Variants in INPP4B observed in about 807,000 individuals in gnomAD.
INPP4B encodes inositol polyphosphate 4-phosphatase type II.
Under a neutral mutation model 122.5 loss-of-function variants are expected in INPP4B, and 55 were observed. That is an observed-to-expected ratio of 0.45 (90% CI 0.36 to 0.56). The LOEUF is 0.56. Among genes scored for constraint, INPP4B ranks in the 20% least tolerant of loss-of-function variants. The pLI is 0.00. For synonymous variants in INPP4B, 403 were observed against 388.7 expected, an observed-to-expected ratio of 1.04 and a Z score of -0.43; for missense variants, 1,000 against 1,097.7, an observed-to-expected ratio of 0.91 and a Z score of 1.26.
chr4:142,762,446 G>A (rs370645602), intron 1 of INPP4B, among the ~76,000 whole-genome samples: 2 of 152,216 alleles, frequency 1.3e-5, no homozygotes, highest in African/African-American at 2.4e-5. Flanking sequence ...CCTGTGAGGT[G>A]AGCTTACTCA....
chr4:142,052,004 T>C (rs1754868582), intron 25 of INPP4B, among the ~76,000 whole-genome samples: 3 of 152,006 alleles, frequency 2.0e-5, no homozygotes, highest in South Asian at 2.1e-4. Context: ...TTCTCATCTC[T>C]TCATTTTTCT....
chr4:142,378,474 G>A (rs1167904564), intron 7 of INPP4B, among the ~76,000 whole-genome samples: 1 of 152,078 alleles, frequency 6.6e-6, no homozygotes, highest in African/African-American at 2.4e-5. Context: ...ACTTGTGTAG[G>A]TTGCAAGTTC....
chr4:142,607,735 T>C (rs986620117), intron 2 of INPP4B, among the ~76,000 whole-genome samples: 3 of 152,130 alleles, frequency 2.0e-5, no homozygotes, highest in Non-Finnish European at 4.4e-5. Flanking sequence ...ATAGAGAAGA[T>C]ATACAAATTA....
chr4:142,126,871 T>C (rs186342495), intron 18 of INPP4B, among the ~76,000 whole-genome samples: 55 of 152,300 alleles, frequency 3.6e-4, no homozygotes, highest in African/African-American at 1.2e-3. Context: ...TTATCTCCTG[T>C]TCTCTCCCTT....
chr4:142,817,332 A>C (rs1315867543), intron 1 of INPP4B, among the ~76,000 whole-genome samples: 2 of 152,172 alleles, frequency 1.3e-5, no homozygotes, highest in Non-Finnish European at 2.9e-5. Context: ...GTGTGAAATA[A>C]AATTATCAGT....
chr4:142,533,752 C>G (rs1827884892), intron 2 of INPP4B, among the ~76,000 whole-genome samples: 1 of 152,022 alleles, frequency 6.6e-6, no homozygotes, highest in Non-Finnish European at 1.5e-5. Flanking sequence ...TATGACCCAC[C>G]CTGAAAAGTT....
intron 1 of INPP4B, among the ~76,000 whole-genome samples, chr4:142,824,296 T>TC (rs1554016368): frequency 6.6e-6 from 1 of 150,546 alleles, no homozygotes; most frequent in Admixed American, 6.6e-5. Flanking sequence ...TACCTATCTA[T>TC]TATCTATCTG....
chr4:142,038,887 A>G (rs1398615596), intron 25 of INPP4B, among the ~76,000 whole-genome samples: 2 of 152,162 alleles, frequency 1.3e-5, no homozygotes, highest in Non-Finnish European at 2.9e-5. Flanking sequence ...AAGCAGTCGT[A>G]CTGGTTGGTA....
intron 2 of INPP4B, among the ~76,000 whole-genome samples, chr4:142,503,876 A>T (rs1323045497): frequency 6.6e-6 from 1 of 152,140 alleles, no homozygotes; most frequent in Non-Finnish European, 1.5e-5. Context: ...TATTAAATAA[A>T]TATGCTGGCA....
intron 25 of INPP4B, among the ~76,000 whole-genome samples, chr4:142,030,722 C>A (rs1368279521): frequency 1.3e-5 from 2 of 152,108 alleles, no homozygotes; most frequent in African/African-American, 2.4e-5. Context: ...TGTAGTGAAG[C>A]AAACCAATGT....
At chr4:142,535,303 G>A (rs1179739636) in intron 2 of INPP4B, among the ~76,000 whole-genome samples, 1 of 152,186 alleles carries the variant, frequency 6.6e-6, no homozygotes, top group East Asian at 1.9e-4. Flanking sequence ...TGCTTTTCTT[G>A]CTTGCAGATA....
chr4:142,308,773 G>A lies in INPP4B; in HGVS notation c.424-3236C>T, dbSNP rs2253113. ...TATAATTCAAGGGACAGTGTTTTCT[G>A]AATATCCTTTGGTGCTGTTTCTATC... On this transcript the variant is annotated intron_variant, in intron 8 of 25. Coordinates refer to ENST00000262992, the MANE Select transcript of INPP4B (RefSeq NM_001101669.3). Among the ~76,000 whole-genome samples the A allele has an allele frequency of 5.0e-3, 763 of 151,952 alleles. 1 individual carries two copies. The highest frequency in any genetic ancestry group is 8.2e-3 in the Non-Finnish European group (556 of 67,950).
At chr4:142,216,138 A>G (rs1351926034) in intron 12 of INPP4B, among the ~76,000 whole-genome samples, 1 of 152,014 alleles carries the variant, frequency 6.6e-6, no homozygotes, top group Non-Finnish European at 1.5e-5. Flanking sequence ...TTCAATCACT[A>G]CTTTGCAACA....
chr4:142,061,003 G>T (rs1760357654), intron 25 of INPP4B, among the ~76,000 whole-genome samples: 1 of 152,186 alleles, frequency 6.6e-6, no homozygotes, highest in Non-Finnish European at 1.5e-5. Flanking sequence ...AAGAGCAGGA[G>T]TTGGACCGAC....
At chr4:142,659,715 G>A (rs1754812167) in intron 2 of INPP4B, among the ~76,000 whole-genome samples, 1 of 152,150 alleles carries the variant, frequency 6.6e-6, no homozygotes, top group African/African-American at 2.4e-5. Flanking sequence ...AACCAAGGGA[G>A]CTAACCAAAG....
intron 2 of INPP4B, among the ~76,000 whole-genome samples, chr4:142,652,549 A>G (rs552508077): frequency 6.6e-6 from 1 of 152,316 alleles, no homozygotes; most frequent in South Asian, 2.1e-4. Flanking sequence ...AATGTGCAAA[A>G]ATCACAAACA....
chr4:142,181,061 G>A (rs1266828665), intron 15 of INPP4B, among the ~76,000 whole-genome samples: 2 of 152,162 alleles, frequency 1.3e-5, no homozygotes, highest in Non-Finnish European at 2.9e-5. Context: ...TACATGAAGG[G>A]CTGGTAGTAA....
In INPP4B at chr4:142,081,324, G is replaced by A. The variant is rs114913243; in HGVS notation, c.2642+707C>T. On this transcript the variant is annotated intron_variant, in intron 25 of 25. Coordinates refer to ENST00000262992, the MANE Select transcript of INPP4B (RefSeq NM_001101669.3). ...AATTTCGCTTAACTTTTTAATTAAC[G>A]TGTGTCCTTGCTGATAGACACTGTG... Among the ~76,000 whole-genome samples, 1,155 of 152,232 alleles carry A rather than the reference G, an allele frequency of 7.6e-3. 11 individuals carry two copies. Among genetic ancestry groups the A allele is most frequent in the Non-Finnish European group, 0.013 (857 of 68,012 alleles).
At chr4:142,676,031 C>G (rs1054046606) in intron 2 of INPP4B, among the ~76,000 whole-genome samples, 2 of 152,076 alleles carry the variant, frequency 1.3e-5, no homozygotes, top group African/African-American at 2.4e-5. Flanking sequence ...AAATGGTATT[C>G]AAATAGAAAG....
Sources: allele counts gnomAD v4.1 joint callset (sites outside exome capture counted in the v4.1 genomes callset), GRCh38; gene constraint gnomAD v4.1.1; transcripts MANE v1.5; gene names NCBI Gene and HGNC (gene_info 2026-07-23, HGNC 2026-07-21).